ATP8A2: variants seen among roughly 807,000 people sequenced by gnomAD.
ATP8A2 encodes the protein ATPase phospholipid transporting 8A2.
Under a neutral mutation model 165.6 loss-of-function variants are expected in ATP8A2, and 100 were observed. The ratio of observed to expected loss-of-function variants is 0.60; its 90% CI spans 0.51 to 0.71. ATP8A2 has a LOEUF of 0.71. Ranked by LOEUF, ATP8A2 falls within the 30% of genes least tolerant of loss-of-function variation. The pLI, the probability that ATP8A2 is intolerant of heterozygous loss-of-function variation, is 0.00. For missense variants in ATP8A2, 1,227 were observed against 1,479.5 expected (o/e 0.83, Z 2.80); for synonymous variants, 543 against 548.8 (o/e 0.99, Z 0.15).
At chr13:25,694,966 A>G (rs1211918580) in intron 24 of ATP8A2, among the ~76,000 whole-genome samples, 1 of 152,222 alleles carries the variant, frequency 6.6e-6, no homozygotes, top group African/African-American at 2.4e-5. Context: ...GGCATGAGCC[A>G]CCATGACTGG....
At chr13:25,965,035 T>C (rs942093915) in intron 34 of ATP8A2, among the ~76,000 whole-genome samples, 3 of 152,140 alleles carry the variant, frequency 2.0e-5, no homozygotes, top group Non-Finnish European at 4.4e-5. Flanking sequence ...GGCGAGTGCC[T>C]GTAATCCCAG....
chr13:25,937,256 G>A (rs2139091191), intron 33 of ATP8A2, among the ~76,000 whole-genome samples: 1 of 151,686 alleles, frequency 6.6e-6, no homozygotes, highest in South Asian at 2.1e-4. Flanking sequence ...ATGTACCCTT[G>A]TAGTAAATAT....
At chr13:25,846,712 C>T (rs988192754) in intron 30 of ATP8A2, among the ~76,000 whole-genome samples, 1 of 152,142 alleles carries the variant, frequency 6.6e-6, no homozygotes, top group Admixed American at 6.5e-5. Flanking sequence ...TATAACCACA[C>T]AGGCCAGGAT....
chr13:25,751,435 A>G (rs939210083), intron 25 of ATP8A2, among the ~76,000 whole-genome samples: 2 of 152,118 alleles, frequency 1.3e-5, no homozygotes, highest in South Asian at 2.1e-4. Flanking sequence ...TTTATTATTT[A>G]TTTATTTTAT....
intron 24 of ATP8A2, among the ~76,000 whole-genome samples, chr13:25,676,633 A>T (rs571122337): frequency 2.0e-5 from 3 of 152,264 alleles, no homozygotes; most frequent in African/African-American, 7.2e-5. Flanking sequence ...AAAAAGGTTG[A>T]AGTTTGCCAA....
chr13:25,972,053 T>A (rs1259329219), intron 35 of ATP8A2, among the ~76,000 whole-genome samples: 2 of 152,182 alleles, frequency 1.3e-5, no homozygotes, highest in Non-Finnish European at 2.9e-5. Flanking sequence ...TCTAGCAGTT[T>A]TTCTTAGGAA....
intron 24 of ATP8A2, among the ~76,000 whole-genome samples, chr13:25,635,937 G>A (rs181082507): frequency 6.6e-4 from 101 of 152,304 alleles, no homozygotes; most frequent in African/African-American, 2.2e-3. Context: ...TACAAAGACA[G>A]CGCACCCCCT....
At position 25,699,184 on chromosome 13, in the gene ATP8A2, A is replaced by G; in HGVS notation, c.2223A>G (p.Ala741=). The change falls in exon 25 of 37, where the codon GCA becomes GCG. Residue 741 remains alanine, a synonymous_variant. Transcript: ENST00000381655. ...LKEDSLDATR[A]AITQHCTDLG... ...TACTCTTGTTTCAGGCCACAAGGGCAGCCATTACTCAGCACTGCACTGACC... is the reference window on the plus strand; with the variant it reads ...TACTCTTGTTTCAGGCCACAAGGGCGGCCATTACTCAGCACTGCACTGACC... 6.4e-7 allele frequency: 1 copy of G among 1,564,990 alleles called. No individual in the cohort carries two copies. The highest frequency in any genetic ancestry group is 8.7e-7 in the Non-Finnish European group (1 of 1,154,064).
chr13:25,998,056 C>G (rs1956551275), intron 35 of ATP8A2, among the ~76,000 whole-genome samples: 1 of 152,202 alleles, frequency 6.6e-6, no homozygotes. Flanking sequence ...CAGCCTGGCT[C>G]CTGCCGGGTA....
intron 24 of ATP8A2, 43 bp from the exon 25 acceptor site, chr13:25,699,130 A>G (rs1230802728): frequency 7.0e-7 from 1 of 1,435,990 alleles, no homozygotes; most frequent in Non-Finnish European, 9.3e-7. Context: ...TTTTGATATT[A>G]AACACACAAA....
intron 24 of ATP8A2, among the ~76,000 whole-genome samples, chr13:25,625,286 T>G (rs927621218): frequency 6.6e-6 from 1 of 152,212 alleles, no homozygotes; most frequent in African/African-American, 2.4e-5. Context: ...GAAGAACAAA[T>G]GCAGTTTTTG....
At chr13:25,846,566 T>C (rs1951869345) in intron 30 of ATP8A2, among the ~76,000 whole-genome samples, 1 of 152,174 alleles carries the variant, frequency 6.6e-6, no homozygotes, top group Non-Finnish European at 1.5e-5. Flanking sequence ...ACAGATTGCC[T>C]TGGGATGGTG....
chr13:25,844,029 G>A (rs1177198589), intron 30 of ATP8A2, among the ~76,000 whole-genome samples: 1 of 152,162 alleles, frequency 6.6e-6, no homozygotes, highest in East Asian at 1.9e-4. Flanking sequence ...GAGTATGCCA[G>A]GACCATGCGG....
intron 33 of ATP8A2, among the ~76,000 whole-genome samples, chr13:25,900,835 G>T (rs547065174): frequency 6.6e-6 from 1 of 152,312 alleles, no homozygotes; most frequent in Non-Finnish European, 1.5e-5. Context: ...GACTAAGATG[G>T]AAAACACGGG....
intron 33 of ATP8A2, among the ~76,000 whole-genome samples, chr13:25,955,579 G>A (rs1955499403): frequency 6.6e-6 from 1 of 152,224 alleles, no homozygotes; most frequent in African/African-American, 2.4e-5. Flanking sequence ...AAACTGGGAA[G>A]AAGTCAAATC....
At chr13:25,669,878 G>A (rs1032800449) in intron 24 of ATP8A2, among the ~76,000 whole-genome samples, 1 of 152,138 alleles carries the variant, frequency 6.6e-6, no homozygotes, top group Non-Finnish European at 1.5e-5. Context: ...CCTCTGTGCA[G>A]CCCCTCAGGG....
At chr13:25,699,443 T>C (rs2042905818) in intron 25 of ATP8A2, 98 bp downstream of exon 25, 2 of 1,006,086 alleles carry the variant, frequency 2.0e-6, no homozygotes, top group Admixed American at 7.4e-5. Context: ...AGGTTTAAAG[T>C]TTTGTATCTA....
At chr13:25,450,767 G>A (rs977230165) in intron 1 of ATP8A2, among the ~76,000 whole-genome samples, 1 of 151,954 alleles carries the variant, frequency 6.6e-6, no homozygotes, top group South Asian at 2.1e-4. Flanking sequence ...TCCTGACCTC[G>A]TAATCTGCCC....
At chr13:25,562,909 C>T (rs1415417355) in intron 15 of ATP8A2, among the ~76,000 whole-genome samples, 1 of 152,184 alleles carries the variant, frequency 6.6e-6, no homozygotes, top group Non-Finnish European at 1.5e-5. Context: ...TGCTGTCTTC[C>T]TCCTTCCCTG....
Sources: allele counts gnomAD v4.1 joint callset (sites outside exome capture counted in the v4.1 genomes callset), GRCh38; gene constraint gnomAD v4.1.1; transcripts MANE v1.5; gene names NCBI Gene and HGNC (gene_info 2026-07-23, HGNC 2026-07-21).